The following CYP46A1 variants were observed in gnomAD, a reference collection of about 807,000 sequenced individuals.
CYP46A1 encodes the protein cholesterol 24-hydroxylase.
CYP46A1 carries 20 observed loss-of-function variants against 63.3 expected under a neutral mutation model. The observed-to-expected ratio is 0.32, with a 90% CI of 0.22 to 0.46. CYP46A1 has a LOEUF of 0.46. CYP46A1 is among the 20% of genes least tolerant of loss of function. The pLI, the probability that CYP46A1 is intolerant of heterozygous loss-of-function variation, is 1.00. For missense variants in CYP46A1, 445 were observed against 670.8 expected, an observed-to-expected ratio of 0.66 and a Z score of 3.72; for synonymous variants, 268 against 273.6, an observed-to-expected ratio of 0.98 and a Z score of 0.20.
In CYP46A1 at chr14:99,715,834, CTCCGGGAGG is replaced by C; in HGVS notation, c.727_735del (p.Val243_Glu245del). The C allele has an allele frequency of 6.2e-7, 1 of 1,614,134 alleles. No individual in the cohort carries two copies. The highest frequency in any genetic ancestry group is 8.5e-7 in the Non-Finnish European group (1 of 1,179,998). On this transcript the variant is annotated inframe_deletion, in exon 8 of 15. Coordinates refer to ENST00000261835, the MANE Select transcript of CYP46A1 (RefSeq NM_006668.2). The stretch of plus-strand genomic sequence containing the variant: ...GTTCCTGCCAGGGAAGAGGAAGCAG[CTCCGGGAGG>C]TCCGGGAGAGCATTCGCTTCCTGCG...
At chr14:99,696,286 C>T (rs1324629426) in intron 3 of CYP46A1, among the ~76,000 whole-genome samples, 1 of 151,762 alleles carries the variant, frequency 6.6e-6, no homozygotes, top group Non-Finnish European at 1.5e-5. Flanking sequence ...ATTGATTGAT[C>T]GATTGAGACA....
intron 1 of CYP46A1, among the ~76,000 whole-genome samples, chr14:99,686,386 G>A (rs917984405): frequency 6.6e-6 from 1 of 152,158 alleles, no homozygotes; most frequent in African/African-American, 2.4e-5. Flanking sequence ...GTATTCTTTA[G>A]TGTATGATTC....
At chr14:99,696,677 A>G (rs185213862) in intron 3 of CYP46A1, among the ~76,000 whole-genome samples, 4 of 152,318 alleles carry the variant, frequency 2.6e-5, no homozygotes, top group Admixed American at 2.6e-4. Context: ...TGATCATATT[A>G]GTAATACATG....
chr14:99,694,981 G>A (rs996473423), intron 3 of CYP46A1, among the ~76,000 whole-genome samples: 6 of 152,120 alleles, frequency 3.9e-5, no homozygotes, highest in African/African-American at 1.2e-4. Flanking sequence ...CACAAATTTT[G>A]ATATGTTTTA....
chr14:99,686,588 T>C (rs899557758), intron 1 of CYP46A1, among the ~76,000 whole-genome samples: 2 of 152,212 alleles, frequency 1.3e-5, no homozygotes, highest in East Asian at 1.9e-4. Context: ...TTCATATAAA[T>C]GGAATCATAC....
chr14:99,699,998 GT>G lies in CYP46A1; in HGVS notation c.357-16del. 2.0e-6 allele frequency: 3 copies of G among 1,468,076 alleles called. No homozygotes were observed. Among genetic ancestry groups the G allele is most frequent in the South Asian group, 1.3e-5 (1 of 78,654 alleles). The allele number at this position is 1,468,076 out of a possible 1,614,324, so 90.9% of individuals were successfully genotyped here. On this transcript the variant is annotated splice_polypyrimidine_tract_variant and intron_variant, in intron 4 of 14. Transcript: ENST00000261835. ...CCCCCCACCCTCTTTCCCGCATCAC[GT>G]GTGTGTCTCCTACAGACTCTTCGGC...
intron 7 of CYP46A1, among the ~76,000 whole-genome samples, chr14:99,713,900 C>T (rs903594853): frequency 1.4e-5 from 2 of 138,190 alleles, no homozygotes; most frequent in Non-Finnish European, 3.1e-5. Flanking sequence ...AGACGTGTGA[C>T]TATATTAAAT....
At chr14:99,689,455 G>A (rs958873706) in intron 1 of CYP46A1, among the ~76,000 whole-genome samples, 12 of 151,960 alleles carry the variant, frequency 7.9e-5, no homozygotes, top group Non-Finnish European at 8.8e-5. Context: ...AGCTACCCCA[G>A]AAGTGGAGGG....
In CYP46A1 at chr14:99,717,882, C is replaced by G. The variant is rs962427268; in HGVS notation, c.908-172C>G. 1.4e-4 allele frequency: 77 copies of G among 541,558 alleles called. 1 individual carries two copies. In the African/African-American group the frequency reaches 1.4e-3, roughly 10 times the overall value. 33.5% of individuals were successfully genotyped at this position (541,558 alleles called of 1,614,324 possible). A position where few individuals can be genotyped will look rare whatever the true frequency, so the allele number is the denominator to read the frequency against. On this transcript the variant is annotated intron_variant, in intron 9 of 14. Coordinates refer to ENST00000261835, the MANE Select transcript of CYP46A1 (RefSeq NM_006668.2). ...TTCTCCAAAATGGAGGTGAGCACCTCCCCGGGCCAAGTGAGACCTAGACGA... is the reference window on the plus strand; with the variant it reads ...TTCTCCAAAATGGAGGTGAGCACCTGCCCGGGCCAAGTGAGACCTAGACGA...
intron 5 of CYP46A1, 81 bp downstream of exon 5, chr14:99,700,182 G>A: frequency 8.7e-7 from 1 of 1,154,996 alleles, no homozygotes. Flanking sequence ...GCCTTGGGGA[G>A]GGAAGTGTCC....
At chr14:99,723,892 C>T (rs765965280) in intron 12 of CYP46A1, among the ~76,000 whole-genome samples, 27 of 152,160 alleles carry the variant, frequency 1.8e-4, no homozygotes, top group Non-Finnish European at 3.1e-4. Flanking sequence ...TCTGTATTGA[C>T]TTGCCAGGGC....
intron 2 of CYP46A1, chr14:99,691,552 T>TATTCC (rs1424046187): frequency 3.5e-4 from 207 of 591,210 alleles, no homozygotes; most frequent in Non-Finnish European, 6.0e-4. Context: ...TTTCCAACCC[T>TATTCC]ATTCCATGGC....
At chr14:99,706,129 G>T in intron 5 of CYP46A1, 1 of 153,158 alleles carries the variant, frequency 6.5e-6, no homozygotes. Context: ...TGTGGGTTGG[G>T]AGCTCTGGGG....
chr14:99,718,189 C>T, intron 10 of CYP46A1, 63 bp downstream of exon 10: 2 of 1,385,996 alleles, frequency 1.4e-6, no homozygotes, highest in South Asian at 1.2e-5. Flanking sequence ...CTGAGGGCCA[C>T]CTGCCCCCAC....
intron 3 of CYP46A1, among the ~76,000 whole-genome samples, chr14:99,697,100 T>C (rs1305474587): frequency 1.3e-5 from 2 of 152,222 alleles, no homozygotes; most frequent in Non-Finnish European, 2.9e-5. Context: ...CTTCAGTCTG[T>C]AGTCACCCAG....
chr14:99,700,193 A>T (rs1220722260), intron 5 of CYP46A1, 92 bp downstream of exon 5: 1 of 920,186 alleles, frequency 1.1e-6, no homozygotes, highest in East Asian at 2.8e-5. Context: ...GGAAGTGTCC[A>T]CCCAAGGGGG....
At chr14:99,712,672 C>T (rs2056745133) in intron 7 of CYP46A1, 1 of 152,072 alleles carries the variant, frequency 6.6e-6, no homozygotes, top group African/African-American at 2.4e-5. Flanking sequence ...AAAAAACATC[C>T]CATGCTCATG....
chr14:99,719,378 A>ATTTTTTTTTTTTTTTTTTTTTTTTT (rs55679517), intron 10 of CYP46A1, among the ~76,000 whole-genome samples: 1 of 142,570 alleles, frequency 7.0e-6, no homozygotes, highest in African/African-American at 2.7e-5. Context: ...CACCTGGCTA[A>ATTTTTTTTTTTTTTTTTTTTTTTTT]TTTTTTTTTT....
In CYP46A1 at chr14:99,699,502, A is replaced by G; in HGVS notation, c.319A>G (p.Lys107Glu). 1 of 1,614,182 alleles carries G rather than the reference A, an allele frequency of 6.2e-7. No homozygotes were observed. Among genetic ancestry groups the G allele is most frequent in the East Asian group, 2.2e-5 (1 of 44,874 alleles). Residue 107 changes from lysine to glutamate, a missense_variant, in exon 4 of 15, where the codon AAG (lysine) becomes GAG (glutamate). By Grantham distance (56) the Lys-to-Glu change is moderately conservative. This residue lies in a region of CYP46A1 where 252 missense variants were observed against 383.3 expected (regional missense o/e 0.66). Coordinates refer to ENST00000261835, the MANE Select transcript of CYP46A1 (RefSeq NM_006668.2). The stretch of plus-strand genomic sequence containing the variant: ...GTCAACCAAGTACAACAAGGACTCC[A>G]AGATGTACCGTGCGCTCCAGACTGT... Reference protein sequence around the residue: ...LMSTKYNKDSKMYRALQTVFG... With the variant: ...LMSTKYNKDSEMYRALQTVFG...
Sources: allele counts gnomAD v4.1 joint callset (sites outside exome capture counted in the v4.1 genomes callset), GRCh38; gene constraint gnomAD v4.1.1; regional missense constraint gnomAD v4.1.1; transcripts MANE v1.5; gene names NCBI Gene and HGNC (gene_info 2026-07-23, HGNC 2026-07-21).